CCNG2: variants seen among roughly 807,000 people sequenced by gnomAD.
CCNG2 encodes the protein cyclin G2.
In CCNG2, 20 loss-of-function variants were observed where a neutral mutation model predicts 36.5. That is an observed-to-expected ratio of 0.55 (90% CI 0.39 to 0.80). The LOEUF (loss-of-function observed/expected upper bound fraction) is 0.80, where lower values mean the gene tolerates loss of function less well. Among genes scored for constraint, CCNG2 ranks in the 30% least tolerant of loss-of-function variants. The pLI is 0.00. For synonymous variants in CCNG2, 155 were observed against 140.1 expected, an observed-to-expected ratio of 1.11 and a Z score of -0.75; for missense variants, 358 against 390.8, an observed-to-expected ratio of 0.92 and a Z score of 0.71.
In CCNG2 at chr4:77,159,422, G is replaced by A; in HGVS notation, c.194G>A (p.Ser65Asn). 1 of 1,613,982 alleles carries A rather than the reference G, an allele frequency of 6.2e-7. No individual in the cohort carries two copies. The highest frequency in any genetic ancestry group is 8.5e-7 in the Non-Finnish European group (1 of 1,179,926). ...LRNAKVEDLR[S>N]LANFFGSCTE... ...AATGCCAAAGTTGAAGATTTAAGGAGTTTAGCCAACTTTTTTGGATCTTGC... is the reference window on the plus strand; with the variant it reads ...AATGCCAAAGTTGAAGATTTAAGGAATTTAGCCAACTTTTTTGGATCTTGC... The change falls in exon 3 of 8, where the codon AGT (serine) becomes AAT (asparagine). Residue 65 changes from serine to asparagine, a missense_variant. By Grantham distance (46) the Ser-to-Asn change is conservative. Transcript: ENST00000316355.
At chr4:77,164,579 C>A in intron 7 of CCNG2, 100 bp downstream of exon 7, 1 of 806,662 alleles carries the variant, frequency 1.2e-6, no homozygotes, top group Non-Finnish European at 2.0e-6. Context: ...AGAAAGCAAG[C>A]ACCTACACTA....
In CCNG2 at chr4:77,169,921, T is replaced by C. The variant is rs1413759544; in HGVS notation, c.*3997T>C. 6.6e-6 allele frequency: 1 copy of C among 152,254 alleles called. No homozygotes were observed. 9.4% of individuals were successfully genotyped at this position (152,254 alleles called of 1,614,324 possible). A position where few individuals can be genotyped will look rare whatever the true frequency, so the allele number is the denominator to read the frequency against. Reference sequence around the variant, plus strand: ...AGTGAGACAGATTGCTTGTTATTTATGGTCAAATGGTGATTATCTCTGGTG... The same window carrying C: ...AGTGAGACAGATTGCTTGTTATTTACGGTCAAATGGTGATTATCTCTGGTG... On this transcript the variant is annotated 3_prime_UTR_variant, in exon 8 of 8. Transcript: ENST00000316355.
At position 77,161,734 on chromosome 4, in the gene CCNG2, A is replaced by G. The variant is rs1240354545; in HGVS notation, c.692A>G (p.Lys231Arg). 2 of 1,595,300 alleles carry G rather than the reference A, an allele frequency of 1.3e-6. No homozygotes were observed. Among genetic ancestry groups the G allele is most frequent in the Non-Finnish European group, 1.7e-6 (2 of 1,172,164 alleles). ...TTACTGGAAATTCTCTTGCTAGTTAAAAAACATTCCAAGGTAATTACAGTC... is the reference window on the plus strand; with the variant it reads ...TTACTGGAAATTCTCTTGCTAGTTAGAAAACATTCCAAGGTAATTACAGTC... ...VELLEILLLV[K>R]KHSKINDTEF... The change falls in exon 6 of 8, where the codon AAA (lysine) becomes AGA (arginine). Residue 231 changes from lysine to arginine, a missense_variant. Transcript: ENST00000316355.
In CCNG2 at chr4:77,157,336, G is replaced by C. The variant is rs1560420530; in HGVS notation, c.-171G>C. ...GGCGCGCGGGGAGCGGGATGGAGCC[G>C]GGGCTGTGAGGCCGAGGCGGCGGTG... is the stretch of plus-strand genomic sequence containing the variant. On this transcript the variant is annotated 5_prime_UTR_variant, in exon 1 of 8. Coordinates refer to ENST00000316355, the MANE Select transcript of CCNG2 (RefSeq NM_004354.3). 1 of 152,666 alleles carries C rather than the reference G, an allele frequency of 6.6e-6. No homozygotes were observed. Among genetic ancestry groups the C allele is most frequent in the Non-Finnish European group, 1.5e-5 (1 of 68,422 alleles). 9.5% of individuals were successfully genotyped at this position (152,666 alleles called of 1,614,324 possible). A position where few individuals can be genotyped will look rare whatever the true frequency, so the allele number is the denominator to read the frequency against.
In CCNG2 at chr4:77,161,819, A is replaced by G. The variant is rs373109972; in HGVS notation, c.705+72A>G. 12 of 869,658 alleles carry G rather than the reference A, an allele frequency of 1.4e-5. No homozygotes were observed. In the East Asian group the frequency reaches 1.7e-4, roughly 12 times the overall value. 53.9% of individuals were successfully genotyped at this position (869,658 alleles called of 1,614,324 possible). ...TATTTTTTTCTGTGGTGACTTAAAC[A>G]TTAAGTAATACTTTATGGGACTCTT... is the stretch of plus-strand genomic sequence containing the variant. On this transcript the variant is annotated intron_variant, in intron 6 of 7. Coordinates refer to ENST00000316355, the MANE Select transcript of CCNG2 (RefSeq NM_004354.3).
chr4:77,161,098 T>A, intron 4 of CCNG2, 127 bp downstream of exon 4: 6 of 552,804 alleles, frequency 1.1e-5, no homozygotes, highest in Non-Finnish European at 1.8e-5. Flanking sequence ...TATTGGTAAA[T>A]CTTTTTTTTT....
At chr4:77,163,770 A>C (rs1466500029) in intron 6 of CCNG2, among the ~76,000 whole-genome samples, 2 of 152,238 alleles carry the variant, frequency 1.3e-5, no homozygotes, top group Non-Finnish European at 1.5e-5. Flanking sequence ...CTGTTCTCTC[A>C]TATCACTAAC....
chr4:77,161,349 G>C (rs1020503861), intron 4 of CCNG2, 131 bp from the exon 5 acceptor site: 3 of 658,890 alleles, frequency 4.6e-6, no homozygotes, highest in Admixed American at 6.7e-5. Flanking sequence ...TGATCCACCT[G>C]CTTCTGCCTT....
rs1287395388 is a variant in CCNG2, at chr4:77,169,103, G to A, written c.*3179G>A. 1 of 152,146 alleles carries A rather than the reference G, an allele frequency of 6.6e-6. No individual in the cohort carries two copies. The highest frequency in any genetic ancestry group is 1.5e-5 in the Non-Finnish European group (1 of 68,036). The allele number at this position is 152,146 out of a possible 1,614,324, so 9.4% of individuals were successfully genotyped here. A position where few individuals can be genotyped will look rare whatever the true frequency, so the allele number is the denominator to read the frequency against. On this transcript the variant is annotated 3_prime_UTR_variant, in exon 8 of 8. Transcript: ENST00000316355. Reference sequence around the variant, plus strand: ...ACACTCAGGATTAATACATACTCAGGTTAACTGTAGAGAGGCATTGGCTTC... The same window carrying A: ...ACACTCAGGATTAATACATACTCAGATTAACTGTAGAGAGGCATTGGCTTC...
At chr4:77,157,696 G>T (rs1731300041) in intron 1 of CCNG2, among the ~76,000 whole-genome samples, 190 bp downstream of exon 1, 1 of 152,028 alleles carries the variant, frequency 6.6e-6, no homozygotes, top group Admixed American at 6.5e-5. Flanking sequence ...AGATGCTCGT[G>T]GGGTGGAAGG....
rs4150051 is a variant in CCNG2, at chr4:77,158,615, A to G, written c.83A>G (p.Glu28Gly). 8.0e-4 allele frequency: 1,298 copies of G among 1,614,128 alleles called. 11 individuals are homozygous for G. The African/African-American group carries it at 0.016, about 19-fold the overall frequency. The stretch of plus-strand genomic sequence containing the variant: ...TTGTTGAACGTCTACCTGGAACAAG[A>G]AGAGAGATTCCAACCTCGAGAAAAA... ...LGLLNVYLEQ[E>G]ERFQPREKGL... The change falls in exon 2 of 8, where the codon GAA (glutamate) becomes GGA (glycine). Residue 28 changes from glutamate (E) to glycine (G), a missense_variant. Coordinates refer to ENST00000316355, the MANE Select transcript of CCNG2 (RefSeq NM_004354.3).
chr4:77,165,105 C>T (rs1361530262), intron 7 of CCNG2: 1 of 152,072 alleles, frequency 6.6e-6, no homozygotes, highest in Non-Finnish European at 1.5e-5. Flanking sequence ...AATTTGATTA[C>T]TTTGTTTGTA....
At position 77,160,836 on chromosome 4, in the gene CCNG2, G is replaced by T; in HGVS notation, c.392G>T (p.Cys131Phe). The change falls in exon 4 of 8, where the codon TGT (cysteine) becomes TTT (phenylalanine). Residue 131 changes from cysteine (C) to phenylalanine (F), a missense_variant. Coordinates refer to ENST00000316355, the MANE Select transcript of CCNG2 (RefSeq NM_004354.3). The part of the protein sequence containing the change: ...STHDVIRISQ[C>F]KCTASDIKRM... ...CATGATGTGATCCGGATTAGTCAGT[G>T]TAAATGTACTGCTTCTGACATAAAA... is the stretch of plus-strand genomic sequence containing the variant. 1 of 1,614,012 alleles carries T rather than the reference G, an allele frequency of 6.2e-7. No individual in the cohort carries two copies. Among genetic ancestry groups the T allele is most frequent in the Non-Finnish European group, 8.5e-7 (1 of 1,179,970 alleles).
In CCNG2 at chr4:77,161,577, T is replaced by TA. The variant is rs760365019; in HGVS notation, c.606+20dup. The TA allele has an allele frequency of 6.3e-6, 10 of 1,593,702 alleles. No individual in the cohort carries two copies. The African/African-American group carries it at 8.1e-5, about 13-fold the overall frequency. On this transcript the variant is annotated intron_variant, in intron 5 of 7. Coordinates refer to ENST00000316355, the MANE Select transcript of CCNG2 (RefSeq NM_004354.3). ...AGCAAAAGTAAGTCGATTCCTTGCT[T>TA]ATGTATATATCTCACAGTTTGTATT...
At chr4:77,158,727 AC>A (rs570550357) in intron 2 of CCNG2, 57 bp downstream of exon 2, 51 of 1,585,242 alleles carry the variant, frequency 3.2e-5, no homozygotes, top group African/African-American at 6.8e-5. Flanking sequence ...GGAGGAGGTA[AC>A]CCCCCCGCCC....
chr4:77,158,603 A>C lies in CCNG2; in HGVS notation c.71A>C (p.Tyr24Ser). 2 of 1,614,146 alleles carry C rather than the reference A, an allele frequency of 1.2e-6. No homozygotes were observed. Among genetic ancestry groups the C allele is most frequent in the South Asian group, 1.1e-5 (1 of 91,086 alleles). The change falls in exon 2 of 8, where the codon TAC becomes TCC. Residue 24 changes from tyrosine (Y) to serine (S), a missense_variant. Coordinates refer to ENST00000316355, the MANE Select transcript of CCNG2 (RefSeq NM_004354.3). ...GVQLLGLLNV[Y>S]LEQEERFQPR... ...CAACTTCTCGGGTTGTTGAACGTCT[A>C]CCTGGAACAAGAAGAGAGATTCCAA...
At chr4:77,159,827 T>C (rs931191969) in intron 3 of CCNG2, among the ~76,000 whole-genome samples, 5 of 152,248 alleles carry the variant, frequency 3.3e-5, no homozygotes, top group African/African-American at 9.6e-5. Flanking sequence ...CATGCTTCTC[T>C]TGAAGCCAGA....
rs1288938362 is a variant in CCNG2 at position 77,161,489 on chromosome 4, A to C, written c.537A>C (p.Ile179=). The change falls in exon 5 of 8, where the codon ATA becomes ATC. Residue 179 remains isoleucine, a synonymous_variant. Transcript: ENST00000316355. ...ILCHTSERKE[I]LSLDKLEAQL... is the part of the protein sequence containing the mutation. Reference sequence around the variant, plus strand: ...TCTTTGCATTGTATAGGAAAGAAATACTGAGCCTTGATAAACTAGAAGCTC... The same window carrying C: ...TCTTTGCATTGTATAGGAAAGAAATCCTGAGCCTTGATAAACTAGAAGCTC... 11 of 1,598,194 alleles carry C rather than the reference A, an allele frequency of 6.9e-6. No homozygotes were observed. Among genetic ancestry groups the C allele is most frequent in the Non-Finnish European group, 9.4e-6 (11 of 1,172,722 alleles).
At position 77,164,281 on chromosome 4, in the gene CCNG2, A is replaced by G; in HGVS notation, c.713A>G (p.Asp238Gly). 2 of 1,612,830 alleles carry G rather than the reference A, an allele frequency of 1.2e-6. No individual in the cohort carries two copies. The highest frequency in any genetic ancestry group is 1.7e-6 in the Non-Finnish European group (2 of 1,178,914). Residue 238 changes from aspartate to glycine, a missense_variant, in exon 7 of 8, where the codon GAC becomes GGC. Transcript: ENST00000316355. ...AAAATATTTTTTTTTCAGATTAATG[A>G]CACTGAGTTCTTCTACTGGAGAGAG... ...LLVKKHSKIN[D>G]TEFFYWRELV...
Sources: allele counts gnomAD v4.1 joint callset (sites outside exome capture counted in the v4.1 genomes callset), GRCh38; gene constraint gnomAD v4.1.1; transcripts MANE v1.5; gene names NCBI Gene and HGNC (gene_info 2026-07-23, HGNC 2026-07-21).